CA10: variants seen among roughly 807,000 people sequenced by gnomAD.
CA10 encodes carbonic anhydrase-related protein 10.
A neutral mutation model predicts 44.2 loss-of-function variants in CA10; 14 were observed. The ratio of observed to expected loss-of-function variants is 0.32; its 90% CI spans 0.21 to 0.50. The LOEUF (loss-of-function observed/expected upper bound fraction) is 0.50. CA10 is among the 20% of genes least tolerant of loss of function. CA10 has a pLI of 0.99. For synonymous variants in CA10, 159 were observed against 141.6 expected (o/e 1.12, Z -0.87); for missense variants, 350 against 409.7 (o/e 0.85, Z 1.26).
chr17:51,721,604 G>A (rs1353626699), intron 4 of CA10, among the ~76,000 whole-genome samples: 1 of 151,920 alleles, frequency 6.6e-6, no homozygotes, highest in Non-Finnish European at 1.5e-5. Flanking sequence ...CAAAGTGTTG[G>A]GATTACAAGC....
intron 2 of CA10, among the ~76,000 whole-genome samples, chr17:51,937,599 T>C (rs1192826573): frequency 6.6e-6 from 1 of 152,134 alleles, no homozygotes; most frequent in South Asian, 2.1e-4. Context: ...TAACCCATAA[T>C]CATTAATTTG....
At chr17:52,150,462 T>G (rs1037734135) in intron 1 of CA10, among the ~76,000 whole-genome samples, 3 of 152,234 alleles carry the variant, frequency 2.0e-5, no homozygotes, top group Admixed American at 1.3e-4. Flanking sequence ...GGTTGGATTC[T>G]GAGTACCTGA....
intron 2 of CA10, among the ~76,000 whole-genome samples, chr17:51,942,647 G>A (rs984058959): frequency 3.3e-5 from 5 of 151,606 alleles, no homozygotes; most frequent in African/African-American, 1.2e-4. Flanking sequence ...CCTAATGCAG[G>A]TTCCCACTGC....
intron 4 of CA10, among the ~76,000 whole-genome samples, chr17:51,720,051 G>GTGATAATAATACTAAGAA (rs1290692505): frequency 1.4e-4 from 21 of 152,100 alleles, no homozygotes; most frequent in African/African-American, 5.1e-4. Flanking sequence ...AATACTAAGA[G>GTGATAATAATACTAAGAA]TAATAATAAT....
At chr17:52,072,863 C>CAG (rs1987722101) in intron 1 of CA10, among the ~76,000 whole-genome samples, 1 of 152,060 alleles carries the variant, frequency 6.6e-6, no homozygotes, top group South Asian at 2.1e-4. Flanking sequence ...AGCCAGCTTT[C>CAG]CTTAGGTCCC....
chr17:51,631,515 A>T lies in CA10; in HGVS notation c.*69T>A, dbSNP rs934565859. 5 of 1,331,990 alleles carry T rather than the reference A, an allele frequency of 3.8e-6. No homozygotes were observed. Among genetic ancestry groups the T allele is most frequent in the Non-Finnish European group, 5.4e-6 (5 of 925,988 alleles). The allele number at this position is 1,331,990 out of a possible 1,614,324, so 82.5% of individuals were successfully genotyped here. A position where few individuals can be genotyped will look rare whatever the true frequency, so the allele number is the denominator to read the frequency against. The stretch of plus-strand genomic sequence containing the variant: ...GAAGGAGAGAGAAGCAAGAAGGGGG[A>T]CATTCTAGGTTACGTCAATTCACAG... On this transcript the variant is annotated 3_prime_UTR_variant, in exon 9 of 9. Transcript: ENST00000451037.
In CA10 at chr17:52,082,775, T is replaced by C. The variant is rs117778760; in HGVS notation, c.62-10382A>G. ...ACCATTTAAATATAATTTTGACTTC[T>C]GACAAATAGGCAACTTAAGAAGCAT... is the stretch of plus-strand genomic sequence containing the variant. On this transcript the variant is annotated intron_variant, in intron 1 of 8. Transcript: ENST00000451037. Among the ~76,000 whole-genome samples, 32 of 152,382 alleles carry C rather than the reference T, an allele frequency of 2.1e-4. No homozygotes were observed. In the East Asian group the frequency reaches 5.2e-3, roughly 25 times the overall value.
intron 2 of CA10, among the ~76,000 whole-genome samples, chr17:52,003,718 A>T (rs1985506838): frequency 6.6e-6 from 1 of 151,904 alleles, no homozygotes; most frequent in Non-Finnish European, 1.5e-5. Context: ...GTTCACACAA[A>T]AGGGAAATGG....
At chr17:51,904,215 T>C (rs1176814500) in intron 3 of CA10, among the ~76,000 whole-genome samples, 1 of 151,878 alleles carries the variant, frequency 6.6e-6, no homozygotes. Context: ...AAAAAAACTC[T>C]TATTATATTC....
intron 2 of CA10, among the ~76,000 whole-genome samples, chr17:51,940,502 TA>T (rs1299583102): frequency 6.6e-6 from 1 of 152,036 alleles, no homozygotes; most frequent in African/African-American, 2.4e-5. Context: ...TTCAGGTAGT[TA>T]GGTACTTCAG....
At chr17:51,870,853 A>G (rs1979770168) in intron 3 of CA10, among the ~76,000 whole-genome samples, 1 of 152,094 alleles carries the variant, frequency 6.6e-6, no homozygotes, top group Non-Finnish European at 1.5e-5. Flanking sequence ...TGGTGGGATT[A>G]TTCTTATGCC....
intron 2 of CA10, among the ~76,000 whole-genome samples, chr17:51,978,946 C>G (rs977942690): frequency 6.6e-6 from 1 of 152,070 alleles, no homozygotes; most frequent in Non-Finnish European, 1.5e-5. Flanking sequence ...AGAAGGCTTC[C>G]TGCATGCCAC....
intron 3 of CA10, among the ~76,000 whole-genome samples, chr17:51,802,895 G>T (rs1236446806): frequency 6.6e-6 from 1 of 152,148 alleles, no homozygotes; most frequent in Non-Finnish European, 1.5e-5. Context: ...CTGTATTTAA[G>T]TGCCCCATTT....
In CA10 at chr17:52,072,393, G is replaced by T. The variant is rs765684317; in HGVS notation, c.62C>A (p.Ala21Asp). The T allele has an allele frequency of 6.2e-7, 1 of 1,611,446 alleles. No individual in the cohort carries two copies. Among genetic ancestry groups the T allele is most frequent in the Non-Finnish European group, 8.5e-7 (1 of 1,177,744 alleles). ...ATGGATTTTTGGTGAATTCTGTTGA[G>T]CTAAAGGAAAAGCAAAGAAGAGAGA... is the stretch of plus-strand genomic sequence containing the variant. ...LQANFIVCISAQQNSPKIHEG... is the reference protein window; with the variant it reads ...LQANFIVCISDQQNSPKIHEG... The change falls in exon 2 of 9, where the codon GCT becomes GAT. Residue 21 changes from alanine to aspartate, a missense_variant and splice_region_variant. Physicochemically the swap from Ala to Asp is moderately radical, Grantham distance 126. Coordinates refer to ENST00000451037, the MANE Select transcript of CA10 (RefSeq NM_020178.5).
chr17:52,004,212 A>T (rs1985525588), intron 2 of CA10, among the ~76,000 whole-genome samples: 1 of 152,018 alleles, frequency 6.6e-6, no homozygotes, highest in Non-Finnish European at 1.5e-5. Flanking sequence ...GCACCAGAAT[A>T]AATCCCCATA....
At chr17:52,094,380 A>T (rs1047728955) in intron 1 of CA10, among the ~76,000 whole-genome samples, 3 of 152,138 alleles carry the variant, frequency 2.0e-5, no homozygotes, top group Admixed American at 1.3e-4. Flanking sequence ...TTTCTAGAAG[A>T]ATACATAGGA....
chr17:52,024,354 G>A (rs2144159715), intron 2 of CA10, among the ~76,000 whole-genome samples: 1 of 152,190 alleles, frequency 6.6e-6, no homozygotes, highest in South Asian at 2.1e-4. Flanking sequence ...TTTAAGTTAT[G>A]TAAAAAGATA....
intron 2 of CA10, among the ~76,000 whole-genome samples, chr17:51,958,227 T>A (rs576150903): frequency 7.3e-5 from 11 of 151,648 alleles, no homozygotes; most frequent in Non-Finnish European, 1.2e-4. Flanking sequence ...TCAAATTCCA[T>A]GTAAGTATGA....
intron 3 of CA10, among the ~76,000 whole-genome samples, chr17:51,847,924 C>T (rs1332516292): frequency 5.9e-5 from 9 of 152,158 alleles, no homozygotes; most frequent in Non-Finnish European, 1.3e-4. Flanking sequence ...CAGACGAGAC[C>T]TTTTGGGGAC....
Sources: gnomAD v4.1 joint callset for allele counts (sites outside exome capture counted in the v4.1 genomes callset) on GRCh38, gnomAD v4.1.1 for gene constraint, MANE v1.5 for transcripts, NCBI Gene and HGNC (gene_info 2026-07-23, HGNC 2026-07-21) for gene names.